The following MET variants were observed in gnomAD, a reference collection of about 807,000 sequenced individuals.
The protein encoded by MET is hepatocyte growth factor receptor.
Under a neutral mutation model 133.1 loss-of-function variants are expected in MET, and 48 were observed. The observed-to-expected ratio is 0.36, with a 90% confidence interval of 0.29 to 0.46. The LOEUF is 0.46. MET is among the 20% of genes least tolerant of loss of function. The pLI is 1.00. For synonymous variants in MET, 628 were observed against 616.5 expected (o/e 1.02, Z -0.28); for missense variants, 1,442 against 1,695.9 (o/e 0.85, Z 2.63).
intron 16 of MET, among the ~76,000 whole-genome samples, chr7:116,778,058 T>C (rs1462747176): frequency 6.6e-6 from 1 of 152,234 alleles, no homozygotes; most frequent in African/African-American, 2.4e-5. Flanking sequence ...TTAGCTGTTA[T>C]TGAGAAAATC....
At chr7:116,676,986 TTG>T (rs1491422628) in intron 1 of MET, among the ~76,000 whole-genome samples, 2 of 103,214 alleles carry the variant, frequency 1.9e-5, no homozygotes, top group Non-Finnish European at 5.4e-5. Flanking sequence ...GAGTGTTGTT[TTG>T]TTTTTTTTTT....
At chr7:116,795,555 G>A (rs1795641820) in intron 19 of MET, 100 bp from the exon 20 acceptor site, 4 of 1,513,262 alleles carry the variant, frequency 2.6e-6, no homozygotes, top group South Asian at 1.1e-5. Context: ...ACCGTATTGA[G>A]TATGTAAAGC....
chr7:116,757,359 A>T (rs1794216378), intron 6 of MET, 78 bp from the exon 7 acceptor site: 2 of 1,186,322 alleles, frequency 1.7e-6, no homozygotes, highest in Non-Finnish European at 2.5e-6. Flanking sequence ...TTTAGAGTTA[A>T]TGTCACTTCC....
intron 2 of MET, among the ~76,000 whole-genome samples, chr7:116,710,761 T>A (rs1791967248): frequency 6.6e-6 from 1 of 152,106 alleles, no homozygotes. Flanking sequence ...GTTAACTATA[T>A]GCTATTTGAT....
Position 116,740,863 on chromosome 7 carries a change from C to A in MET, c.1539C>A (p.Ile513=). 1 of 1,614,124 alleles carries A rather than the reference C, an allele frequency of 6.2e-7. No individual in the cohort carries two copies. The highest frequency in any genetic ancestry group is 1.3e-5 in the African/African-American group (1 of 75,052). The change falls in exon 5 of 21, where the codon ATC becomes ATA. Residue 513 remains isoleucine (I), a synonymous_variant. Transcript: ENST00000397752. ...CCTTCTCTTCACAGATCACGAAGATCCCATTGAATGGCTTGGGCTGCAGAC... is the reference window on the plus strand; with the variant it reads ...CCTTCTCTTCACAGATCACGAAGATACCATTGAATGGCTTGGGCTGCAGAC... ...LVITGKKITK[I]PLNGLGCRHF... is the part of the protein sequence containing the mutation.
At chr7:116,750,670 A>G (rs1292326082) in intron 5 of MET, among the ~76,000 whole-genome samples, 2 of 152,248 alleles carry the variant, frequency 1.3e-5, no homozygotes, top group African/African-American at 4.8e-5. Context: ...AATTGTTGCA[A>G]TCTATTCATC....
intron 2 of MET, among the ~76,000 whole-genome samples, chr7:116,716,950 A>T (rs1792265186): frequency 6.6e-6 from 1 of 152,160 alleles, no homozygotes; most frequent in African/African-American, 2.4e-5. Context: ...AAGCCTCTTA[A>T]ATTTTGCCCC....
rs201939285 is a variant in MET, at chr7:116,732,301, A to G, written c.1392+442A>G. Among the ~76,000 whole-genome samples, 8 of 152,318 alleles carry G rather than the reference A, an allele frequency of 5.3e-5. No homozygotes were observed. The East Asian group carries it at 1.5e-3, about 29-fold the overall frequency. On this transcript the variant is annotated intron_variant, in intron 3 of 20. Transcript: ENST00000397752. The stretch of plus-strand genomic sequence containing the variant: ...TTGGCAGGAGTTAGGAAGGGACAAC[A>G]TTATCATCAAAATCCCATTGTAACT...
chr7:116,725,353 A>G (rs1792703432), intron 2 of MET, among the ~76,000 whole-genome samples: 2 of 152,082 alleles, frequency 1.3e-5, no homozygotes, highest in African/African-American at 4.8e-5. Flanking sequence ...GAATGTTTCA[A>G]AACTGTTTAG....
At chr7:116,674,800 A>G (rs1370468279) in intron 1 of MET, among the ~76,000 whole-genome samples, 1 of 152,120 alleles carries the variant, frequency 6.6e-6, no homozygotes, top group Non-Finnish European at 1.5e-5. Flanking sequence ...CCATTTCTCC[A>G]GCCCAGTTTG....
chr7:116,783,775 T>C (rs1795223736), intron 19 of MET, among the ~76,000 whole-genome samples: 1 of 152,218 alleles, frequency 6.6e-6, no homozygotes, highest in East Asian at 1.9e-4. Context: ...TGGTCAACAA[T>C]GACTGTGACA....
At chr7:116,679,299 G>A (rs1796268272) in intron 1 of MET, among the ~76,000 whole-genome samples, 2 of 152,124 alleles carry the variant, frequency 1.3e-5, no homozygotes, top group Non-Finnish European at 1.5e-5. Flanking sequence ...CTTGGAATAA[G>A]ATCTATTCTA....
At chr7:116,716,369 G>A (rs1792207452) in intron 2 of MET, among the ~76,000 whole-genome samples, 1 of 135,608 alleles carries the variant, frequency 7.4e-6, no homozygotes, top group African/African-American at 2.8e-5. Flanking sequence ...AGGGAGGGAA[G>A]GAAGGAGGGA....
chr7:116,692,416 T>G (rs1365316645), intron 1 of MET, among the ~76,000 whole-genome samples: 2 of 152,238 alleles, frequency 1.3e-5, no homozygotes, highest in Admixed American at 6.5e-5. Context: ...GGTTTTTTCC[T>G]GAGGAATCGG....
Position 116,731,800 on chromosome 7 carries a change from T to G in MET, c.1333T>G (p.Phe445Val), listed in dbSNP as rs1793017605. 6.2e-7 allele frequency: 1 copy of G among 1,614,124 alleles called. No homozygotes were observed. The highest frequency in any genetic ancestry group is 8.5e-7 in the Non-Finnish European group (1 of 1,179,984). The change falls in exon 3 of 21, where the codon TTC (phenylalanine) becomes GTC (valine). Residue 445 changes from phenylalanine to valine, a missense_variant. This residue lies in a region of MET where 762 missense variants were observed against 792.4 expected (regional missense o/e 0.96). Coordinates refer to ENST00000397752, the MANE Select transcript of MET (RefSeq NM_000245.4). ...AGTCCTCTTAACATCTATATCCACC[T>G]TCATTAAAGGAGACCTCACCATAGC... ...SEVLLTSIST[F>V]IKGDLTIANL...
chr7:116,797,938 A>T lies in MET; in HGVS notation c.*1814A>T, dbSNP rs773019048. On this transcript the variant is annotated 3_prime_UTR_variant, in exon 21 of 21. Coordinates refer to ENST00000397752, the MANE Select transcript of MET (RefSeq NM_000245.4). ...CTAAAAGCTCTCTGATAGTGCAGAGACTTACCAGAAGACACAAGGAATTGT... is the reference window on the plus strand; with the variant it reads ...CTAAAAGCTCTCTGATAGTGCAGAGTCTTACCAGAAGACACAAGGAATTGT... The T allele has an allele frequency of 3.2e-5, 7 of 221,576 alleles. No homozygotes were observed. The highest frequency in any genetic ancestry group is 1.1e-4 in the Admixed American group (2 of 17,434). 13.7% of individuals were successfully genotyped at this position (221,576 alleles called of 1,614,324 possible). A position where few individuals can be genotyped will look rare whatever the true frequency, so the allele number is the denominator to read the frequency against.
chr7:116,686,020 G>C (rs1045483135), intron 1 of MET, among the ~76,000 whole-genome samples: 2 of 151,968 alleles, frequency 1.3e-5, no homozygotes, highest in African/African-American at 4.8e-5. Flanking sequence ...AACACCACTG[G>C]AGCCTCCCAG....
chr7:116,779,932 C>A (rs555103956), intron 17 of MET, among the ~76,000 whole-genome samples: 1 of 151,986 alleles, frequency 6.6e-6, no homozygotes, highest in African/African-American at 2.4e-5. Context: ...AGATAATAAA[C>A]AAATAAACAA....
At chr7:116,745,884 T>C (rs1185542918) in intron 5 of MET, among the ~76,000 whole-genome samples, 1 of 152,128 alleles carries the variant, frequency 6.6e-6, no homozygotes, top group African/African-American at 2.4e-5. Context: ...GGACTTCATG[T>C]CTAAAACACC....
Sources: allele counts gnomAD v4.1 joint callset (sites outside exome capture counted in the v4.1 genomes callset), GRCh38; gene constraint gnomAD v4.1.1; regional missense constraint gnomAD v4.1.1; transcripts MANE v1.5; gene names NCBI Gene and HGNC (gene_info 2026-07-23, HGNC 2026-07-21).